KDM1A: variants seen among roughly 807,000 people sequenced by gnomAD.
KDM1A encodes the protein lysine demethylase 1A, also known as lysine-specific histone demethylase 1A.
A neutral mutation model predicts 109.4 loss-of-function variants in KDM1A; 49 were observed. The observed-to-expected ratio is 0.45, with a 90% CI of 0.36 to 0.57. The LOEUF (loss-of-function observed/expected upper bound fraction) is 0.57, where lower values mean the gene tolerates loss of function less well. Ranked by LOEUF, KDM1A falls within the 20% of genes least tolerant of loss-of-function variation. KDM1A has a pLI of 0.00. For missense variants in KDM1A, 668 were observed against 1,116.6 expected (o/e 0.60, Z 5.73); for synonymous variants, 380 against 415.4 (o/e 0.91, Z 1.04).
Position 23,057,533 on chromosome 1 carries a change from C to T in KDM1A, c.1040C>T (p.Ala347Val). The change falls in exon 8 of 21, where the codon GCT becomes GTT. Residue 347 changes from alanine to valine, a missense_variant. By Grantham distance (64) the Ala-to-Val change is moderately conservative (BLOSUM62 0). This residue lies in a region of KDM1A where 53 missense variants were observed against 122.5 expected (regional missense o/e 0.43). Coordinates refer to ENST00000400181, the MANE Select transcript of KDM1A (RefSeq NM_001009999.3). ...VATFRKGNYV[A>V]DLGAMVVTGL... ...ACATTTCGCAAAGGAAACTATGTAG[C>T]TGATCTTGGAGCCATGGTGGTAACA... The T allele has an allele frequency of 6.2e-7, 1 of 1,613,802 alleles. No homozygotes were observed.
intron 20 of KDM1A, chr1:23,082,742 G>A (rs534235078): frequency 4.9e-6 from 1 of 203,022 alleles, no homozygotes; most frequent in Non-Finnish European, 1.0e-5. Context: ...CTGGGTCCTT[G>A]TCTAGACCCT....
rs116733713 is a variant in KDM1A, at chr1:23,060,100, A to G, written c.1167+933A>G. Among the ~76,000 whole-genome samples the G allele has an allele frequency of 4.9e-3, 748 of 152,258 alleles. 9 individuals carry two copies. Among genetic ancestry groups the G allele is most frequent in the African/African-American group, 0.017 (695 of 41,550 alleles). On this transcript the variant is annotated intron_variant, in intron 9 of 20. Coordinates refer to ENST00000400181, the MANE Select transcript of KDM1A (RefSeq NM_001009999.3). ...ACCATCATGGTCCAAATTTCCCACC[A>G]GGGCTTGGGTGGGGTGGATAACAGG...
chr1:23,057,388 T>G (rs1642862285), intron 7 of KDM1A, 96 bp from the exon 8 acceptor site: 1 of 878,866 alleles, frequency 1.1e-6, no homozygotes, highest in Admixed American at 2.0e-5. Flanking sequence ...ACATCTTTAT[T>G]TTTAAATTAT....
At chr1:23,065,078 G>A (rs962820559) in intron 9 of KDM1A, among the ~76,000 whole-genome samples, 8 of 152,160 alleles carry the variant, frequency 5.3e-5, no homozygotes, top group African/African-American at 7.2e-5. Flanking sequence ...GTAATCATTC[G>A]TTGAGTTTCT....
intron 2 of KDM1A, among the ~76,000 whole-genome samples, chr1:23,035,322 T>G (rs967913767): frequency 3.9e-5 from 6 of 152,076 alleles, no homozygotes; most frequent in African/African-American, 1.4e-4. Context: ...CCTGCCTTAG[T>G]CTCTCAAGTA....
intron 16 of KDM1A, among the ~76,000 whole-genome samples, chr1:23,078,092 A>T (rs1463347543): frequency 6.6e-6 from 1 of 152,212 alleles, no homozygotes; most frequent in African/African-American, 2.4e-5. Flanking sequence ...AGAAATGGAG[A>T]CATAGCCATC....
At position 23,019,972 on chromosome 1, in the gene KDM1A, C is replaced by T. The variant is rs529480156; in HGVS notation, c.351+25C>T. The T allele has an allele frequency of 6.4e-5, 95 of 1,490,312 alleles. No individual in the cohort carries two copies. In the African/African-American group the frequency reaches 1.1e-3, roughly 18 times the overall value. The allele number at this position is 1,490,312 out of a possible 1,614,324, so 92.3% of individuals were successfully genotyped here. Reference sequence around the variant, plus strand: ...GGTAAGGCTCGACCCTTCCCTCAAACGACACCGCCTGGTGCCGAGCTTCCC... The same window carrying T: ...GGTAAGGCTCGACCCTTCCCTCAAATGACACCGCCTGGTGCCGAGCTTCCC... On this transcript the variant is annotated intron_variant, in intron 1 of 20. Transcript: ENST00000400181.
intron 2 of KDM1A, among the ~76,000 whole-genome samples, chr1:23,033,260 G>A (rs190978333): frequency 3.3e-5 from 5 of 152,284 alleles, no homozygotes; most frequent in Admixed American, 1.3e-4. Context: ...AGGGCCAGGC[G>A]CGGTGGCTCC....
intron 9 of KDM1A, 192 bp downstream of exon 9, chr1:23,059,359 G>A (rs1253364348): frequency 4.5e-6 from 3 of 673,130 alleles, no homozygotes; most frequent in Middle Eastern, 2.5e-4. Context: ...AAGGATTATT[G>A]TATATATACA....
intron 15 of KDM1A, among the ~76,000 whole-genome samples, chr1:23,075,098 G>A (rs1272935040): frequency 6.6e-6 from 1 of 152,294 alleles, no homozygotes; most frequent in Middle Eastern, 3.4e-3. Context: ...TAACAATATT[G>A]AATATTCTTA....
At position 23,079,001 on chromosome 1, in the gene KDM1A, AT is replaced by A; in HGVS notation, c.1880del (p.Ile627LysfsTer3). ...CCCAACCTCTGCAGGATGTGAAGTG[AT>A]AGCTGTGAATACCCGCTCCACGAGT... ...VRYTASGCEVIAVNTRSTSQT... is the reference protein window; with the variant it reads ...VRYTASGCEVXAVNTRSTSQT... On this transcript the variant is annotated frameshift_variant, in exon 17 of 21. Coordinates refer to ENST00000400181, the MANE Select transcript of KDM1A (RefSeq NM_001009999.3). LOFTEE classifies it high-confidence loss of function. This position sits in a 1 kb window ranked among gnomAD's most constrained non-coding sequence, Gnocchi z 5.6. 1 of 1,613,796 alleles carries A rather than the reference AT, an allele frequency of 6.2e-7. No individual in the cohort carries two copies. The highest frequency in any genetic ancestry group is 8.5e-7 in the Non-Finnish European group (1 of 1,179,720).
At chr1:23,020,176 G>A in intron 1 of KDM1A, 1 of 422,632 alleles carries the variant, frequency 2.4e-6, no homozygotes, top group Non-Finnish European at 4.1e-6. Flanking sequence ...GACGTGGGAA[G>A]GGGCATCGAT....
In KDM1A at chr1:23,079,007, G is replaced by A. The variant is rs1557598894; in HGVS notation, c.1885G>A (p.Val629Met). 2 of 1,614,032 alleles carry A rather than the reference G, an allele frequency of 1.2e-6. No individual in the cohort carries two copies. Among genetic ancestry groups the A allele is most frequent in the Non-Finnish European group, 1.7e-6 (2 of 1,179,912 alleles). Residue 629 changes from valine to methionine, a missense_variant, in exon 17 of 21, where the codon GTG becomes ATG. By Grantham distance (21) the Val-to-Met change is conservative (BLOSUM62 1). Transcript: ENST00000400181. The surrounding 1 kb of genome is among the most constrained non-coding windows in gnomAD (Gnocchi z 5.6). ...CTCTGCAGGATGTGAAGTGATAGCT[G>A]TGAATACCCGCTCCACGAGTCAAAC... is the stretch of plus-strand genomic sequence containing the variant. ...YTASGCEVIA[V>M]NTRSTSQTFI...
chr1:23,031,698 C>G (rs1193250732), intron 2 of KDM1A, among the ~76,000 whole-genome samples: 1 of 152,004 alleles, frequency 6.6e-6, no homozygotes, highest in Non-Finnish European at 1.5e-5. Flanking sequence ...TTATCAAAGT[C>G]TGGCTAAAAC....
chr1:23,034,261 C>T (rs1321149784), intron 2 of KDM1A, among the ~76,000 whole-genome samples: 5 of 152,036 alleles, frequency 3.3e-5, no homozygotes, highest in Non-Finnish European at 1.5e-5. Flanking sequence ...TTTGTTTTAA[C>T]ACATGATGGT....
chr1:23,026,513 C>A (rs1426710280), intron 1 of KDM1A, among the ~76,000 whole-genome samples: 1 of 151,690 alleles, frequency 6.6e-6, no homozygotes, highest in Non-Finnish European at 1.5e-5. Context: ...CCGTAGCCCC[C>A]CCAAGTAGCT....
chr1:23,059,333 CTT>C lies in KDM1A; in HGVS notation c.1167+167_1167+168del, dbSNP rs79588010. On this transcript the variant is annotated intron_variant, in intron 9 of 20. Coordinates refer to ENST00000400181, the MANE Select transcript of KDM1A (RefSeq NM_001009999.3). ...ATGTTATTCTGGTTGTTTCTTAACT[CTT>C]GAGCTATGTAGGAAAGGATTATTGT... is the stretch of plus-strand genomic sequence containing the variant. 220,547 of 716,558 alleles carry C rather than the reference CTT, an allele frequency of 0.31. 34,928 individuals carry two copies. Among genetic ancestry groups the C allele is most frequent in the Middle Eastern group, 0.41 (1,680 of 4,128 alleles). The allele number at this position is 716,558 out of a possible 1,614,324, so 44.4% of individuals were successfully genotyped here.
intron 16 of KDM1A, 38 bp downstream of exon 16, chr1:23,077,398 C>T: frequency 6.3e-7 from 1 of 1,591,220 alleles, no homozygotes; most frequent in Non-Finnish European, 8.6e-7. Context: ...AGAGAACTCT[C>T]CTGAAACAGG....
intron 2 of KDM1A, among the ~76,000 whole-genome samples, chr1:23,039,371 T>A (rs1642241038): frequency 6.6e-6 from 1 of 152,248 alleles, no homozygotes; most frequent in African/African-American, 2.4e-5. Context: ...CTTTTTCTAG[T>A]GAATTTCAAC....
Sources: allele counts gnomAD v4.1 joint callset (sites outside exome capture counted in the v4.1 genomes callset), GRCh38; gene constraint gnomAD v4.1.1; regional missense constraint gnomAD v4.1.1; non-coding constraint Gnocchi (gnomAD v3.1); transcripts MANE v1.5; gene names NCBI Gene and HGNC (gene_info 2026-07-23, HGNC 2026-07-21).